The following SPINT1 variants were observed in gnomAD, a reference collection of about 807,000 sequenced individuals.
The protein encoded by SPINT1 is serine peptidase inhibitor, Kunitz type 1, also known as kunitz-type protease inhibitor 1.
In SPINT1, 38 loss-of-function variants were observed where a neutral mutation model predicts 53.7. The observed-to-expected ratio is 0.71, with a 90% CI of 0.55 to 0.93. The LOEUF (loss-of-function observed/expected upper bound fraction) is 0.93. Ranked by LOEUF, SPINT1 falls within the 40% of genes least tolerant of loss-of-function variation. The probability of loss-of-function intolerance (pLI) is 0.00; values close to 1 mark genes in which losing one functional copy is unlikely to be tolerated. For missense variants in SPINT1, 645 were observed against 692.9 expected (o/e 0.93, Z 0.78); for synonymous variants, 283 against 280.6 (o/e 1.01, Z -0.08).
chr15:40,844,239 C>T lies in SPINT1; in HGVS notation c.-66+53C>T. ...GAGGCGCAGGCGGAGCGGGCTGGAGCATGTCCGGCCCTTTGTTCTGCGCTC... is the reference window on the plus strand; with the variant it reads ...GAGGCGCAGGCGGAGCGGGCTGGAGTATGTCCGGCCCTTTGTTCTGCGCTC... On this transcript the variant is annotated intron_variant, in intron 1 of 10. Coordinates refer to ENST00000562057, the MANE Select transcript of SPINT1 (RefSeq NM_003710.4). The surrounding 1 kb of genome is among the most constrained non-coding windows in gnomAD (Gnocchi z 5.8). 1 of 477,148 alleles carries T rather than the reference C, an allele frequency of 2.1e-6. No individual in the cohort carries two copies. The allele number at this position is 477,148 out of a possible 1,614,324, so 29.6% of individuals were successfully genotyped here. A position where few individuals can be genotyped will look rare whatever the true frequency, so the allele number is the denominator to read the frequency against.
At position 40,844,831 on chromosome 15, in the gene SPINT1, A is replaced by G; in HGVS notation, c.277A>G (p.Thr93Ala). The change falls in exon 2 of 11, where the codon ACC becomes GCC. Residue 93 changes from threonine (T) to alanine (A), a missense_variant. Coordinates refer to ENST00000562057, the MANE Select transcript of SPINT1 (RefSeq NM_003710.4). This position sits in a 1 kb window ranked among gnomAD's most constrained non-coding sequence, Gnocchi z 5.8. ...CTGGGACTGCGTGCGCGCCTGCTGC[A>G]CCACCCAGAACTGCAACTTGGCGCT... ...RGWDCVRACC[T>A]TQNCNLALVE... The G allele has an allele frequency of 6.2e-7, 1 of 1,613,716 alleles. No individual in the cohort carries two copies. The highest frequency in any genetic ancestry group is 8.5e-7 in the Non-Finnish European group (1 of 1,179,964).
chr15:40,854,414 C>G lies in SPINT1; in HGVS notation c.958C>G (p.Gln320Glu), dbSNP rs763163082. 1.9e-6 allele frequency: 3 copies of G among 1,602,992 alleles called. No homozygotes were observed. The highest frequency in any genetic ancestry group is 2.6e-6 in the Non-Finnish European group (3 of 1,174,610). Reference sequence around the variant, plus strand: ...CCGTCCAGTGTGCTCTGGCACCTGTCAGCCCACCCAGTTCCGCTGCAGCAA... The same window carrying G: ...CCGTCCAGTGTGCTCTGGCACCTGTGAGCCCACCCAGTTCCGCTGCAGCAA... ...RRHPVCSGTC[Q>E]PTQFRCSNGC... Residue 320 changes from glutamine to glutamate, a missense_variant, in exon 7 of 11, where the codon CAG (glutamine) becomes GAG (glutamate). Gln to Glu is a conservative substitution (Grantham distance 29). Coordinates refer to ENST00000562057, the MANE Select transcript of SPINT1 (RefSeq NM_003710.4).
At position 40,855,989 on chromosome 15, in the gene SPINT1, T is replaced by A. The variant is rs1419100448; in HGVS notation, c.1215T>A (p.Tyr405Ter). 1 of 1,614,176 alleles carries A rather than the reference T, an allele frequency of 6.2e-7. No individual in the cohort carries two copies. The highest frequency in any genetic ancestry group is 1.7e-5 in the Admixed American group (1 of 60,026). Residue 405 changes from tyrosine (Y) to a stop codon, truncating the protein, a stop_gained, in exon 9 of 11, where the codon TAT becomes TAA. Coordinates refer to ENST00000562057, the MANE Select transcript of SPINT1 (RefSeq NM_003710.4). LOFTEE classifies it high-confidence loss of function. ...GCGAACACTGCGCCCGCTTTACCTA[T>A]GGTGGTTGTTACGGCAACAAGAACA... Reference protein sequence around the residue: ...PFSEHCARFTYGGCYGNKNNF... With the variant: ...PFSEHCARFT
chr15:40,856,454 A>T, intron 10 of SPINT1, 131 bp downstream of exon 10: 1 of 1,184,940 alleles, frequency 8.4e-7, no homozygotes, highest in Non-Finnish European at 1.2e-6. Flanking sequence ...AGAGTACCGT[A>T]ATCAAATGGG....
Position 40,844,963 on chromosome 15 carries a change from T to G in SPINT1, c.409T>G (p.Phe137Val). 6.2e-7 allele frequency: 1 copy of G among 1,613,878 alleles called. No homozygotes were observed. The highest frequency in any genetic ancestry group is 1.1e-5 in the South Asian group (1 of 91,072). Residue 137 changes from phenylalanine (F) to valine (V), a missense_variant, in exon 2 of 11, where the codon TTC (phenylalanine) becomes GTC (valine). By Grantham distance (50) the Phe-to-Val change is conservative. Coordinates refer to ENST00000562057, the MANE Select transcript of SPINT1 (RefSeq NM_003710.4). The surrounding 1 kb of genome is among the most constrained non-coding windows in gnomAD (Gnocchi z 5.8). ...GTGCAAGTTCGCGCCCAGGGAGGGC[T>G]TCATCAACTACCTCACGAGGGAAGT... Reference protein sequence around the residue: ...FVCKFAPREGFINYLTREVYR... With the variant: ...FVCKFAPREGVINYLTREVYR...
At chr15:40,852,256 C>T (rs1011484235) in intron 2 of SPINT1, among the ~76,000 whole-genome samples, 6 of 152,216 alleles carry the variant, frequency 3.9e-5, no homozygotes, top group Non-Finnish European at 7.3e-5. Context: ...TTCTCCTCTT[C>T]TGTTTCTTAT....
At position 40,844,278 on chromosome 15, in the gene SPINT1, G is replaced by A; in HGVS notation, c.-66+92G>A. The A allele has an allele frequency of 1.8e-6, 1 of 552,578 alleles. No homozygotes were observed. Among genetic ancestry groups the A allele is most frequent in the Non-Finnish European group, 3.2e-6 (1 of 310,186 alleles). The allele number at this position is 552,578 out of a possible 1,614,324, so 34.2% of individuals were successfully genotyped here. On this transcript the variant is annotated intron_variant, in intron 1 of 10. Coordinates refer to ENST00000562057, the MANE Select transcript of SPINT1 (RefSeq NM_003710.4). This position sits in a 1 kb window ranked among gnomAD's most constrained non-coding sequence, Gnocchi z 5.8. ...TGTTCTGCGCTCGTGCGTGTGTCCG[G>A]GTACTTGAGCTCCCTAGCGGTCCGC...
At chr15:40,851,617 G>C (rs138264463) in intron 2 of SPINT1, among the ~76,000 whole-genome samples, 1 of 152,142 alleles carries the variant, frequency 6.6e-6, no homozygotes, top group Non-Finnish European at 1.5e-5. Context: ...TTTAGTCCAC[G>C]TGTTGCTTCA....
At chr15:40,853,950 G>A (rs1201966487) in intron 5 of SPINT1, 69 bp downstream of exon 5, 2 of 1,613,172 alleles carry the variant, frequency 1.2e-6, no homozygotes, top group East Asian at 2.2e-5. Flanking sequence ...TCTCTCTTCT[G>A]TGGCCAGGGA....
At position 40,844,358 on chromosome 15, in the gene SPINT1, C is replaced by G. The variant is rs531027811; in HGVS notation, c.-65-132C>G. 29 of 659,964 alleles carry G rather than the reference C, an allele frequency of 4.4e-5. No individual in the cohort carries two copies. In the African/African-American group the frequency reaches 5.2e-4, roughly 12 times the overall value. 40.9% of individuals were successfully genotyped at this position (659,964 alleles called of 1,614,324 possible). A position where few individuals can be genotyped will look rare whatever the true frequency, so the allele number is the denominator to read the frequency against. On this transcript the variant is annotated intron_variant, in intron 1 of 10. Coordinates refer to ENST00000562057, the MANE Select transcript of SPINT1 (RefSeq NM_003710.4). This position sits in a 1 kb window ranked among gnomAD's most constrained non-coding sequence, Gnocchi z 5.8. ...GGAGGGCGCGTGGGAGGGCCGGGCC[C>G]GTGCGCCCTCTTCGATCCTGGGGTG... is the stretch of plus-strand genomic sequence containing the variant.
intron 10 of SPINT1, 114 bp from the exon 11 acceptor site, chr15:40,856,656 C>A: frequency 1.3e-6 from 2 of 1,544,932 alleles, no homozygotes; most frequent in Non-Finnish European, 1.7e-6. Flanking sequence ...AGTCGGGTGC[C>A]CATGTCCTTC....
intron 9 of SPINT1, 88 bp downstream of exon 9, chr15:40,856,150 C>A: frequency 6.3e-7 from 1 of 1,590,494 alleles, no homozygotes; most frequent in Non-Finnish European, 8.6e-7. Context: ...GGGAGTCACC[C>A]CTCCATCCTC....
chr15:40,847,814 G>A (rs1891341060), intron 2 of SPINT1, among the ~76,000 whole-genome samples: 1 of 152,158 alleles, frequency 6.6e-6, no homozygotes, highest in Admixed American at 6.5e-5. Context: ...CACTCTGCAT[G>A]CTACTTCCAC....
intron 2 of SPINT1, among the ~76,000 whole-genome samples, chr15:40,850,386 A>C (rs545465349): frequency 1.3e-5 from 2 of 152,232 alleles, no homozygotes; most frequent in Admixed American, 1.3e-4. Context: ...TTTTTCATCC[A>C]TTCCAAAATA....
At chr15:40,845,630 G>A (rs900214535) in intron 2 of SPINT1, among the ~76,000 whole-genome samples, 3 of 152,184 alleles carry the variant, frequency 2.0e-5, no homozygotes, top group Non-Finnish European at 4.4e-5. Context: ...AACTCAGGAT[G>A]TTCAGAGGTG....
At chr15:40,847,220 T>TA (rs1329674812) in intron 2 of SPINT1, among the ~76,000 whole-genome samples, 2 of 152,180 alleles carry the variant, frequency 1.3e-5, no homozygotes, top group Non-Finnish European at 2.9e-5. Flanking sequence ...AGGCCATTCT[T>TA]AGAGTGCTGC....
At chr15:40,852,207 C>T (rs2142010852) in intron 2 of SPINT1, among the ~76,000 whole-genome samples, 1 of 152,324 alleles carries the variant, frequency 6.6e-6, no homozygotes, top group South Asian at 2.1e-4. Context: ...CTAGTCTCTG[C>T]CTCTGTCTTC....
chr15:40,851,173 TA>T (rs1163114456), intron 2 of SPINT1, among the ~76,000 whole-genome samples: 2 of 151,368 alleles, frequency 1.3e-5, no homozygotes, highest in African/African-American at 4.9e-5. Flanking sequence ...TTTTTTTTTT[TA>T]AACGGAGTCT....
chr15:40,856,688 T>G (rs1891651667), intron 10 of SPINT1, 82 bp from the exon 11 acceptor site: 1 of 1,586,544 alleles, frequency 6.3e-7, no homozygotes, highest in Non-Finnish European at 8.6e-7. Flanking sequence ...TCCATTTGAC[T>G]TGGTCTCTTC....
Sources: allele counts gnomAD v4.1 joint callset (sites outside exome capture counted in the v4.1 genomes callset), GRCh38; gene constraint gnomAD v4.1.1; non-coding constraint Gnocchi (gnomAD v3.1); transcripts MANE v1.5; gene names NCBI Gene and HGNC (gene_info 2026-07-23, HGNC 2026-07-21).